The following AKAP13 variants were observed in gnomAD, a reference collection of about 807,000 sequenced individuals.
The protein encoded by AKAP13 is A-kinase anchor protein 13.
In AKAP13, 80 loss-of-function variants were observed where a neutral mutation model predicts 264.5. That is an observed-to-expected ratio of 0.30 (90% CI 0.25 to 0.36). AKAP13 has a LOEUF of 0.36. AKAP13 is among the 10% of genes least tolerant of loss of function. The pLI is 1.00. For synonymous variants in AKAP13, 1,380 were observed against 1,250.2 expected (o/e 1.10, Z -2.19); for missense variants, 3,712 against 3,435.2 (o/e 1.08, Z -2.01).
At chr15:85,575,669 GC>G (rs2078983533) in intron 6 of AKAP13, among the ~76,000 whole-genome samples, 1 of 151,970 alleles carries the variant, frequency 6.6e-6, no homozygotes. Flanking sequence ...TCTAGCCTGG[GC>G]AACAGAGCGA....
At chr15:85,402,975 T>G (rs142384405) in intron 1 of AKAP13, among the ~76,000 whole-genome samples, 77 of 152,362 alleles carry the variant, frequency 5.1e-4, no homozygotes, top group African/African-American at 1.8e-3. Context: ...TAATGAAATC[T>G]GGTAATAAAA....
At chr15:85,720,368 G>A (rs1300735083) in intron 23 of AKAP13, among the ~76,000 whole-genome samples, 1 of 152,044 alleles carries the variant, frequency 6.6e-6, no homozygotes, top group East Asian at 1.9e-4. Flanking sequence ...AGCACAGAAA[G>A]TTGAATAAGT....
chr15:85,730,128 T>A (rs2087897651), intron 29 of AKAP13, among the ~76,000 whole-genome samples: 1 of 152,070 alleles, frequency 6.6e-6, no homozygotes, highest in Non-Finnish European at 1.5e-5. Context: ...GAAGAAGTAA[T>A]CATCAATGCT....
chr15:85,588,884 A>G (rs1393183367), intron 8 of AKAP13, among the ~76,000 whole-genome samples: 8 of 152,190 alleles, frequency 5.3e-5, no homozygotes, highest in South Asian at 2.1e-4. Context: ...TAAAGTTGCT[A>G]TAAGAAGCCT....
chr15:85,449,287 A>C (rs944616189), intron 1 of AKAP13, among the ~76,000 whole-genome samples: 25 of 152,170 alleles, frequency 1.6e-4, no homozygotes, highest in African/African-American at 5.1e-4. Context: ...TATATCCTGC[A>C]ACTTTGCTGA....
chr15:85,622,820 C>G (rs1390733890), intron 8 of AKAP13, among the ~76,000 whole-genome samples: 1 of 152,178 alleles, frequency 6.6e-6, no homozygotes, highest in Admixed American at 6.5e-5. Context: ...TCCTGCTATT[C>G]TAGACCTCTT....
chr15:85,438,701 AAAAC>A (rs1479630678), intron 1 of AKAP13, among the ~76,000 whole-genome samples: 4 of 151,226 alleles, frequency 2.6e-5, no homozygotes, highest in South Asian at 2.1e-4. Flanking sequence ...AAACCTGAGA[AAAAC>A]AAGCAATGGG....
chr15:85,586,359 A>G (rs1193120260), intron 8 of AKAP13, among the ~76,000 whole-genome samples: 1 of 151,956 alleles, frequency 6.6e-6, no homozygotes, highest in Non-Finnish European at 1.5e-5. Context: ...GGCATGCGCC[A>G]CCATGACTGA....
At chr15:85,649,161 GC>G (rs1370108428) in intron 10 of AKAP13, among the ~76,000 whole-genome samples, 1 of 152,284 alleles carries the variant, frequency 6.6e-6, no homozygotes, top group East Asian at 1.9e-4. Context: ...CAATTTGTCT[GC>G]CCAGCAACCC....
intron 2 of AKAP13, among the ~76,000 whole-genome samples, chr15:85,498,913 A>T (rs901763748): frequency 6.6e-6 from 1 of 152,206 alleles, no homozygotes; most frequent in Non-Finnish European, 1.5e-5. Flanking sequence ...AGCCCTTCAC[A>T]TGATTCTGAT....
intron 1 of AKAP13, among the ~76,000 whole-genome samples, chr15:85,422,794 T>C (rs1159950821): frequency 7.2e-6 from 1 of 138,528 alleles, no homozygotes; most frequent in Admixed American, 7.1e-5. Flanking sequence ...CTTATTAATA[T>C]GATATTTTCT....
At chr15:85,726,270 G>T in intron 26 of AKAP13, 140 bp from the exon 27 acceptor site, 1 of 580,654 alleles carries the variant, frequency 1.7e-6, no homozygotes. Flanking sequence ...TGCTTTGGAG[G>T]AGTGTGATCT....
At chr15:85,655,287 A>T in intron 10 of AKAP13, 130 bp from the exon 11 acceptor site, 1 of 1,142,428 alleles carries the variant, frequency 8.8e-7, no homozygotes. Context: ...TAAAAAAACA[A>T]GTCTCTGAGG....
intron 16 of AKAP13, among the ~76,000 whole-genome samples, chr15:85,686,144 A>ACT (rs2084898902): frequency 1.1e-5 from 1 of 87,154 alleles, no homozygotes; most frequent in Non-Finnish European, 2.5e-5. Context: ...GCAAGGAATC[A>ACT]CTGTGTGTGT....
intron 17 of AKAP13, chr15:85,701,267 A>G (rs2085894479): frequency 1.3e-5 from 2 of 152,236 alleles, no homozygotes; most frequent in Non-Finnish European, 1.5e-5. Context: ...TCACTAGACT[A>G]AAGTCTTTTC....
At chr15:85,586,878 A>G (rs150758924) in intron 8 of AKAP13, among the ~76,000 whole-genome samples, 2,126 of 151,808 alleles carry the variant, frequency 0.014, 62 homozygotes, top group African/African-American at 0.049. Context: ...CAGTGAGCCA[A>G]GATTGTGCCA....
intron 8 of AKAP13, among the ~76,000 whole-genome samples, chr15:85,615,809 C>G: frequency 6.6e-6 from 1 of 152,146 alleles, no homozygotes; most frequent in South Asian, 2.1e-4. Flanking sequence ...TGATAACTTC[C>G]TAGTCTCAGA....
intron 8 of AKAP13, among the ~76,000 whole-genome samples, chr15:85,596,936 A>G (rs2079847354): frequency 6.6e-6 from 1 of 152,200 alleles, no homozygotes; most frequent in Admixed American, 6.5e-5. Context: ...AGGCAGAAAA[A>G]AAACATGGTG....
At chr15:85,432,832 T>C (rs1376460898) in intron 1 of AKAP13, among the ~76,000 whole-genome samples, 1 of 152,186 alleles carries the variant, frequency 6.6e-6, no homozygotes, top group Non-Finnish European at 1.5e-5. Context: ...TTACTTTGGT[T>C]GATAGGGAGT....
Sources: allele counts gnomAD v4.1 joint callset (sites outside exome capture counted in the v4.1 genomes callset), GRCh38; gene constraint gnomAD v4.1.1; transcripts MANE v1.5; gene names NCBI Gene and HGNC (gene_info 2026-07-23, HGNC 2026-07-21).